ZNF81: variants seen among roughly 807,000 people sequenced by gnomAD.
The protein encoded by ZNF81 is zinc finger protein 81.
ZNF81 carries 5 observed loss-of-function variants against 32.3 expected under a neutral mutation model. The ratio of observed to expected loss-of-function variants is 0.15; its 90% CI spans 0.08 to 0.33. The LOEUF (loss-of-function observed/expected upper bound fraction) is 0.33. Ranked by LOEUF, ZNF81 falls within the 10% of genes least tolerant of loss-of-function variation. ZNF81 has a pLI of 1.00. For synonymous variants in ZNF81, 163 were observed against 166.8 expected, an observed-to-expected ratio of 0.98 and a Z score of 0.17; for missense variants, 379 against 479.8, an observed-to-expected ratio of 0.79 and a Z score of 1.96.
chrX:47,876,984 C>T (rs1248954709), intron 2 of ZNF81, among the ~76,000 whole-genome samples: 4 of 111,920 alleles, frequency 3.6e-5, no homozygotes, highest in Non-Finnish European at 7.5e-5. Context: ...TACCATGTGT[C>T]TACATATGGG....
In ZNF81 at chrX:47,875,714, G is replaced by A. The variant is rs189530787; in HGVS notation, c.55-12285G>A. ...AGGGGAAAATTAAAAGTAAAATCTG[G>A]CAACACAGGAAATCCTGACTACAAA... On this transcript the variant is annotated intron_variant, in intron 2 of 4. Transcript: ENST00000338637. Among the ~76,000 whole-genome samples the A allele has an allele frequency of 7.1e-5, 8 of 112,168 alleles. No individual in the cohort carries two copies. The East Asian group carries it at 1.7e-3, about 24-fold the overall frequency.
chrX:47,910,082 T>A (rs1556889717), intron 4 of ZNF81, among the ~76,000 whole-genome samples: 1 of 111,723 alleles, frequency 9.0e-6, no homozygotes, highest in Non-Finnish European at 1.9e-5. Flanking sequence ...TGTGCATGTG[T>A]CTTTATAGCA....
intron 4 of ZNF81, among the ~76,000 whole-genome samples, chrX:47,912,607 A>G (rs1322327660): frequency 9.2e-6 from 1 of 108,579 alleles, no homozygotes; most frequent in Non-Finnish European, 1.9e-5. Context: ...CTTATAGGAA[A>G]CCTCATTGCT....
intron 2 of ZNF81, among the ~76,000 whole-genome samples, chrX:47,850,153 G>T (rs1351257156): frequency 1.8e-5 from 2 of 111,002 alleles, no homozygotes; most frequent in Non-Finnish European, 1.9e-5. Flanking sequence ...CAGGACACAT[G>T]TATAAATGCT....
chrX:47,896,189 A>G lies in ZNF81; in HGVS notation c.277+249A>G, dbSNP rs182389219. Among the ~76,000 whole-genome samples, 540 of 111,030 alleles carry G rather than the reference A, an allele frequency of 4.9e-3. 4 individuals are homozygous for G. Among genetic ancestry groups the G allele is most frequent in the African/African-American group, 0.017 (523 of 30,489 alleles). On this transcript the variant is annotated intron_variant, in intron 4 of 4. Coordinates refer to ENST00000338637, the MANE Select transcript of ZNF81 (RefSeq NM_007137.5). ...CCCCAATTCCTATACTCTGGATTAC[A>G]TGCCAGTCTTCCTCACTAGCGGTCT...
chrX:47,902,856 C>G (rs1347430782), intron 4 of ZNF81, among the ~76,000 whole-genome samples: 1 of 111,365 alleles, frequency 9.0e-6, no homozygotes, highest in Non-Finnish European at 1.9e-5. Context: ...GAGTTTGAGA[C>G]CAGCCTGGCC....
chrX:47,908,286 T>A (rs1556889403), intron 4 of ZNF81, among the ~76,000 whole-genome samples: 1 of 111,264 alleles, frequency 9.0e-6, no homozygotes, highest in Admixed American at 9.6e-5. Flanking sequence ...GTGCTAAAGA[T>A]CATTACTCAT....
intron 1 of ZNF81, 143 bp from the exon 2 acceptor site, chrX:47,845,957 CTATTT>C (rs1556880394): frequency 6.4e-6 from 2 of 312,478 alleles, no homozygotes; most frequent in Middle Eastern, 9.5e-4. Context: ...TGCTCATATT[CTATTT>C]TAATTGATAA....
intron 2 of ZNF81, among the ~76,000 whole-genome samples, chrX:47,878,045 G>T (rs1268205657): frequency 9.0e-6 from 1 of 111,322 alleles, no homozygotes; most frequent in Admixed American, 9.6e-5. Flanking sequence ...GGGCTCTAAG[G>T]TTGGCATGAT....
intron 2 of ZNF81, among the ~76,000 whole-genome samples, chrX:47,869,652 A>T (rs373432000): frequency 5.5e-5 from 6 of 108,919 alleles, no homozygotes; most frequent in Middle Eastern, 4.7e-3. Flanking sequence ...GAAAGCATGG[A>T]TCCAACTGTA....
Position 47,895,864 on chromosome X carries a change from A to G in ZNF81, c.201A>G (p.Pro67=). The part of the protein sequence containing the change: ...LLSVGFEVPK[P]EVIFKLEQGE... ...TAACAGGGTTCGAAGTTCCTAAACC[A>G]GAGGTCATCTTCAAGTTGGAGCAAG... The change falls in exon 4 of 5, where the codon CCA becomes CCG. Residue 67 remains proline (P), a synonymous_variant. Transcript: ENST00000338637. 8.3e-7 allele frequency: 1 copy of G among 1,209,773 alleles called. No homozygotes were observed. The highest frequency in any genetic ancestry group is 1.1e-6 in the Non-Finnish European group (1 of 893,727).
chrX:47,890,706 G>A (rs1284564452), intron 3 of ZNF81, among the ~76,000 whole-genome samples: 1 of 111,911 alleles, frequency 8.9e-6, no homozygotes, highest in Non-Finnish European at 1.9e-5. Context: ...TGGATAACTT[G>A]ATAAATGGGC....
intron 2 of ZNF81, among the ~76,000 whole-genome samples, chrX:47,883,537 T>C (rs782001245): frequency 8.9e-6 from 1 of 112,239 alleles, no homozygotes; most frequent in East Asian, 2.8e-4. Flanking sequence ...TCAGCTTTTA[T>C]GTTTAGGTCT....
At chrX:47,898,924 G>A (rs1235100365) in intron 4 of ZNF81, among the ~76,000 whole-genome samples, 1 of 111,588 alleles carries the variant, frequency 9.0e-6, no homozygotes, top group Admixed American at 9.5e-5. Flanking sequence ...GCTAGTATAA[G>A]TTGCTAGTGA....
chrX:47,869,669 G>GTT (rs367801700), intron 2 of ZNF81, among the ~76,000 whole-genome samples: 1 of 109,077 alleles, frequency 9.2e-6, no homozygotes, highest in Non-Finnish European at 1.9e-5. Flanking sequence ...TGTATTTTTT[G>GTT]TTTTTTTTTA....
At chrX:47,912,703 CTG>C (rs2058743236) in intron 4 of ZNF81, among the ~76,000 whole-genome samples, 1 of 109,558 alleles carries the variant, frequency 9.1e-6, no homozygotes, top group African/African-American at 3.3e-5. Context: ...GTGCTTGACT[CTG>C]TGTTTCTGCC....
rs2058758854 is a variant in ZNF81 at position 47,916,813 on chromosome X, T to C, written c.*181T>C. On this transcript the variant is annotated 3_prime_UTR_variant, in exon 5 of 5. Transcript: ENST00000338637. ...CAGAAGAAACTCTCTTAAAAATGCA[T>C]TGAAGGAGAGAGAATTTGCACAGCC... The C allele has an allele frequency of 2.3e-6, 1 of 436,782 alleles. No individual in the cohort carries two copies. Among genetic ancestry groups the C allele is most frequent in the Non-Finnish European group, 3.6e-6 (1 of 279,863 alleles). The allele number at this position is 436,782 out of a possible 1,213,427, so 36.0% of individuals were successfully genotyped here.
chrX:47,855,386 A>G (rs185841243), intron 2 of ZNF81, among the ~76,000 whole-genome samples: 3 of 110,989 alleles, frequency 2.7e-5, no homozygotes, highest in African/African-American at 9.8e-5. Flanking sequence ...GAGAAACACA[A>G]TATCTCTGAA....
chrX:47,895,764 C>T (rs1405539995), intron 3 of ZNF81, 81 bp from the exon 4 acceptor site: 5 of 697,369 alleles, frequency 7.2e-6, no homozygotes, highest in Non-Finnish European at 9.1e-6. Context: ...ACTCAGTTCC[C>T]CATGAAATGT....
Sources: allele counts gnomAD v4.1 joint callset (sites outside exome capture counted in the v4.1 genomes callset), GRCh38; gene constraint gnomAD v4.1.1; transcripts MANE v1.5; gene names NCBI Gene and HGNC (gene_info 2026-07-23, HGNC 2026-07-21).